Variants in SPIRE2 observed in about 807,000 individuals in gnomAD.
SPIRE2 encodes spire type actin nucleation factor 2.
In SPIRE2, 76 loss-of-function variants were observed where a neutral mutation model predicts 80.7. The ratio of observed to expected loss-of-function variants is 0.94; its 90% CI spans 0.78 to 1.14. SPIRE2 has a LOEUF of 1.14. SPIRE2 is among the 50% of genes most tolerant of loss of function. The pLI is 0.00. For synonymous variants in SPIRE2, 535 were observed against 432.6 expected, an observed-to-expected ratio of 1.24 and a Z score of -2.94; for missense variants, 1,196 against 1,015.3, an observed-to-expected ratio of 1.18 and a Z score of -2.42.
At chr16:89,837,234 C>A (rs1444623594) in intron 1 of SPIRE2, among the ~76,000 whole-genome samples, 2 of 152,158 alleles carry the variant, frequency 1.3e-5, no homozygotes, top group Non-Finnish European at 2.9e-5. Context: ...GCATCTGTAA[C>A]AAGTTCCCTG....
At chr16:89,867,447 G>A (rs192176876) in intron 12 of SPIRE2, among the ~76,000 whole-genome samples, 1 of 151,442 alleles carries the variant, frequency 6.6e-6, no homozygotes, top group Non-Finnish European at 1.5e-5. Flanking sequence ...CTGGCCGACA[G>A]TGTGCAGTTT....
At chr16:89,829,339 C>A (rs1439923143) in intron 1 of SPIRE2, among the ~76,000 whole-genome samples, 1 of 152,212 alleles carries the variant, frequency 6.6e-6, no homozygotes, top group Non-Finnish European at 1.5e-5. Context: ...CTATTCTTAA[C>A]CATCAACCAG....
chr16:89,852,018 C>G (rs1301878684), intron 3 of SPIRE2, among the ~76,000 whole-genome samples: 1 of 150,098 alleles, frequency 6.7e-6, no homozygotes, highest in African/African-American at 2.5e-5. Context: ...ACGGCTCTCC[C>G]CCCACCCCCC....
chr16:89,850,653 C>A lies in SPIRE2; in HGVS notation c.638C>A (p.Ala213Asp). The A allele has an allele frequency of 6.7e-7, 1 of 1,493,088 alleles. No individual in the cohort carries two copies. The allele number at this position is 1,493,088 out of a possible 1,614,324, so 92.5% of individuals were successfully genotyped here. ...GCCTTCCTGGCCAGGGTCCGGGAGG[C>A]CAAGGAGGTGAGCGGTGGGTGGGGG... ...LRAFLARVRE[A>D]KEMLQKLRED... is the part of the protein sequence containing the mutation. The change falls in exon 3 of 15, where the codon GCC becomes GAC. Residue 213 changes from alanine to aspartate, a missense_variant. Transcript: ENST00000378247.
At chr16:89,851,294 C>T (rs1274756590) in intron 3 of SPIRE2, among the ~76,000 whole-genome samples, 1 of 152,196 alleles carries the variant, frequency 6.6e-6, no homozygotes, top group Non-Finnish European at 1.5e-5. Context: ...CCTCTCCAGG[C>T]CCTGGTTCCT....
intron 1 of SPIRE2, among the ~76,000 whole-genome samples, chr16:89,842,208 A>T (rs1464305966): frequency 7.4e-5 from 6 of 81,298 alleles, no homozygotes; most frequent in African/African-American, 1.2e-4. Flanking sequence ...TGAACACGTA[A>T]TTTTTTTTTT....
At chr16:89,849,039 G>T (rs2041594916) in intron 2 of SPIRE2, among the ~76,000 whole-genome samples, 1 of 152,188 alleles carries the variant, frequency 6.6e-6, no homozygotes, top group African/African-American at 2.4e-5. Context: ...ACGAGGCTGT[G>T]TTCTTGGGCC....
chr16:89,828,843 C>G lies in SPIRE2; in HGVS notation c.244+49C>G. The G allele has an allele frequency of 3.4e-6, 4 of 1,165,206 alleles. No homozygotes were observed. Among genetic ancestry groups the G allele is most frequent in the Non-Finnish European group, 4.2e-6 (4 of 943,822 alleles). The allele number at this position is 1,165,206 out of a possible 1,614,324, so 72.2% of individuals were successfully genotyped here. On this transcript the variant is annotated intron_variant, in intron 1 of 14. Coordinates refer to ENST00000378247, the MANE Select transcript of SPIRE2 (RefSeq NM_032451.2). The surrounding 1 kb of genome is among the most constrained non-coding windows in gnomAD (Gnocchi z 5.9). Reference sequence around the variant, plus strand: ...GGCGGGGACCGCGGTCTGGGGCGTCCGTCCCGCCCCCTGGGTGGGGGTGGT... The same window carrying G: ...GGCGGGGACCGCGGTCTGGGGCGTCGGTCCCGCCCCCTGGGTGGGGGTGGT...
rs71137682 is a variant in SPIRE2 at position 89,842,208 on chromosome 16, A to ATTTTTTTTTTTTTTTTTTTTT, written c.245-3112_245-3092dup. On this transcript the variant is annotated intron_variant, in intron 1 of 14. Coordinates refer to ENST00000378247, the MANE Select transcript of SPIRE2 (RefSeq NM_032451.2). ...ATACAATTAGATTCATGAACACGTA[A>ATTTTTTTTTTTTTTTTTTTTT]TTTTTTTTTTTTTTTTTTTTTTGTG... Among the ~76,000 whole-genome samples, 48 of 81,312 alleles carry ATTTTTTTTTTTTTTTTTTTTT rather than the reference A, an allele frequency of 5.9e-4. 6 individuals are homozygous for ATTTTTTTTTTTTTTTTTTTTT. The highest frequency in any genetic ancestry group is 1.9e-3 in the East Asian group (3 of 1,568). 53.3% of individuals were successfully genotyped at this position (81,312 alleles called of 152,430 possible).
intron 14 of SPIRE2, 86 bp from the exon 15 acceptor site, chr16:89,869,964 G>A (rs2041824960): frequency 8.3e-7 from 1 of 1,205,240 alleles, no homozygotes; most frequent in Non-Finnish European, 1.2e-6. Context: ...AGGCAGCCAG[G>A]AGGGGGCTGT....
intron 1 of SPIRE2, among the ~76,000 whole-genome samples, chr16:89,829,450 C>T (rs971478619): frequency 3.9e-5 from 6 of 152,230 alleles, no homozygotes; most frequent in Admixed American, 3.3e-4. Flanking sequence ...TGATTTCTTC[C>T]CTGGAGAGCT....
At chr16:89,858,657 G>C (rs1455581606) in intron 8 of SPIRE2, 150 bp downstream of exon 8, 4 of 767,966 alleles carry the variant, frequency 5.2e-6, no homozygotes, top group Admixed American at 7.3e-5. Context: ...CCTGCCGTAG[G>C]AGGAGGCCTG....
chr16:89,870,240 A>G lies in SPIRE2; in HGVS notation c.2113A>G (p.Ile705Val), dbSNP rs752591903. The change falls in exon 15 of 15, where the codon ATC becomes GTC. Residue 705 changes from isoleucine to valine, a missense_variant. Ile to Val is a conservative substitution (Grantham distance 29). Transcript: ENST00000378247. ...CAGTCGCCAGACCCAATCCCTCTAC[A>G]TCCCTAACACCAGGACTCTTGACTT... ...RRSRQTQSLY[I>V]PNTRTLDFK 5 of 1,603,398 alleles carry G rather than the reference A, an allele frequency of 3.1e-6. No homozygotes were observed. The East Asian group carries it at 1.1e-4, about 36-fold the overall frequency.
chr16:89,860,022 C>T (rs936085032), intron 9 of SPIRE2, among the ~76,000 whole-genome samples: 1 of 152,204 alleles, frequency 6.6e-6, no homozygotes. Flanking sequence ...TACTTAACCT[C>T]GGCCTCCCCC....
At chr16:89,854,709 G>GGGGCA in intron 5 of SPIRE2, 58 bp downstream of exon 5, 2 of 1,451,032 alleles carry the variant, frequency 1.4e-6, no homozygotes, top group East Asian at 2.4e-5. Flanking sequence ...TGAGCGGGGC[G>GGGGCA]GACGCAGATG....
At chr16:89,850,890 G>A (rs1006640018) in intron 3 of SPIRE2, among the ~76,000 whole-genome samples, 1 of 152,106 alleles carries the variant, frequency 6.6e-6, no homozygotes, top group African/African-American at 2.4e-5. Context: ...GGCTGGAGGG[G>A]TAGTGGCTCG....
chr16:89,858,237 A>T (rs1265885774), intron 7 of SPIRE2, 101 bp from the exon 8 acceptor site: 6 of 1,250,184 alleles, frequency 4.8e-6, no homozygotes, highest in Non-Finnish European at 5.4e-6. Context: ...CCCTTCTGCA[A>T]AGTCAGGGAA....
intron 10 of SPIRE2, 100 bp downstream of exon 10, chr16:89,860,895 G>A: frequency 1.4e-6 from 1 of 712,410 alleles, no homozygotes; most frequent in South Asian, 2.1e-5. Flanking sequence ...CTGAGCACCT[G>A]TCTGGGGGGT....
At chr16:89,860,572 T>G (rs2041734061) in intron 9 of SPIRE2, 111 bp from the exon 10 acceptor site, 6 of 729,538 alleles carry the variant, frequency 8.2e-6, no homozygotes, top group Admixed American at 2.4e-5. Context: ...CCCCTTGACC[T>G]TTTGCTTGGT....
Sources: gnomAD v4.1 joint callset for allele counts (sites outside exome capture counted in the v4.1 genomes callset) on GRCh38, gnomAD v4.1.1 for gene constraint, Gnocchi (gnomAD v3.1) non-coding constraint, MANE v1.5 for transcripts, NCBI Gene and HGNC (gene_info 2026-07-23, HGNC 2026-07-21) for gene names.